The following GPR39 variants were observed in gnomAD, a reference collection of about 807,000 sequenced individuals.
GPR39 encodes zinc sensing receptor.
A neutral mutation model predicts 18.4 loss-of-function variants in GPR39; 23 were observed. That is an observed-to-expected ratio of 1.25 (90% CI 0.90 to 1.77). The LOEUF (loss-of-function observed/expected upper bound fraction) is 1.77, where lower values mean the gene tolerates loss of function less well. Ranked by LOEUF, GPR39 falls within the 40% of genes most tolerant of loss-of-function variation. The pLI is 0.00. For missense variants in GPR39, 647 were observed against 602.4 expected (o/e 1.07, Z -0.78); for synonymous variants, 280 against 257.9 (o/e 1.09, Z -0.82).
chr2:132,564,436 C>T (rs1680310343), intron 1 of GPR39, among the ~76,000 whole-genome samples: 1 of 152,118 alleles, frequency 6.6e-6, no homozygotes, highest in African/African-American at 2.4e-5. Context: ...CATTTCCCTC[C>T]CTTCTCCTTT....
At chr2:132,591,257 CAAAAAAAAAA>C (rs747314988) in intron 1 of GPR39, among the ~76,000 whole-genome samples, 194 of 24,604 alleles carry the variant, frequency 7.9e-3, no homozygotes, top group Non-Finnish European at 0.01. Context: ...GACTCCGTCT[CAAAAAAAAAA>C]AAAAAAAAAA....
At position 132,449,289 on chromosome 2, in the gene GPR39, G is replaced by A. The variant is rs143487198; in HGVS notation, c.856+31391G>A. On this transcript the variant is annotated intron_variant, in intron 1 of 1. Coordinates refer to ENST00000329321, the MANE Select transcript of GPR39 (RefSeq NM_001508.3). ...TTGAGACAGAGTCTCGCTCTGTCAC[G>A]CAGGCTGGAGTACAATGGCGCGATC... 9.0e-3 allele frequency among the ~76,000 whole-genome samples: 1,361 copies of A among 151,818 alleles called. 20 individuals are homozygous for A. Among genetic ancestry groups the A allele is most frequent in the African/African-American group, 0.031 (1,263 of 41,376 alleles).
rs540654154 is a variant in GPR39 at position 132,437,959 on chromosome 2, G to A, written c.856+20061G>A. ...TGATATTATCCTGGCTAGTGAAACTGTTTGGTGAACCATGAAGTGTTACTA... is the reference window on the plus strand; with the variant it reads ...TGATATTATCCTGGCTAGTGAAACTATTTGGTGAACCATGAAGTGTTACTA... On this transcript the variant is annotated intron_variant, in intron 1 of 1. Coordinates refer to ENST00000329321, the MANE Select transcript of GPR39 (RefSeq NM_001508.3). 3.9e-5 allele frequency among the ~76,000 whole-genome samples: 6 copies of A among 152,320 alleles called. No homozygotes were observed. In the South Asian group the frequency reaches 6.2e-4, roughly 16 times the overall value.
chr2:132,608,815 A>G (rs903191579), intron 1 of GPR39, among the ~76,000 whole-genome samples: 2 of 152,130 alleles, frequency 1.3e-5, no homozygotes, highest in African/African-American at 2.4e-5. Context: ...GTGCGGGAGC[A>G]GGGCGGGCAG....
intron 1 of GPR39, among the ~76,000 whole-genome samples, chr2:132,591,256 T>C (rs1382691617): frequency 1.6e-5 from 1 of 62,116 alleles, no homozygotes; most frequent in Non-Finnish European, 2.6e-5. Flanking sequence ...AGACTCCGTC[T>C]CAAAAAAAAA....
rs141303923 is a variant in GPR39, at chr2:132,567,181, G to A, written c.857-77920G>A. Among the ~76,000 whole-genome samples, 1,470 of 152,310 alleles carry A rather than the reference G, an allele frequency of 9.7e-3. 24 individuals carry two copies. Among genetic ancestry groups the A allele is most frequent in the African/African-American group, 0.034 (1,398 of 41,550 alleles). On this transcript the variant is annotated intron_variant, in intron 1 of 1. Transcript: ENST00000329321. The stretch of plus-strand genomic sequence containing the variant: ...TAGTAAAAATACAAAAATTAACCGG[G>A]CATGGCGGCACATGCCTGTAATCTC...
At chr2:132,596,374 C>A (rs768711668) in intron 1 of GPR39, among the ~76,000 whole-genome samples, 21 of 152,052 alleles carry the variant, frequency 1.4e-4, no homozygotes, top group Non-Finnish European at 2.9e-4. Context: ...ATGCCTCCAG[C>A]ACATAGTAAG....
intron 1 of GPR39, among the ~76,000 whole-genome samples, chr2:132,593,998 G>T (rs1176003042): frequency 6.6e-6 from 1 of 152,128 alleles, no homozygotes; most frequent in African/African-American, 2.4e-5. Flanking sequence ...TTGACTGGAG[G>T]TCCAAGTGTT....
intron 1 of GPR39, among the ~76,000 whole-genome samples, chr2:132,612,469 A>G (rs1316899821): frequency 6.6e-6 from 1 of 152,146 alleles, no homozygotes; most frequent in Non-Finnish European, 1.5e-5. Flanking sequence ...TTTTTCTGAC[A>G]AGCTATCTTT....
In GPR39 at chr2:132,489,473, T is replaced by G. The variant is rs1394725673; in HGVS notation, c.856+71575T>G. On this transcript the variant is annotated intron_variant, in intron 1 of 1. Transcript: ENST00000329321. ...GGGTTCCCTGCGGGCCGCTCCCTCC[T>G]GGACTTTCTTGACTGTGTGACTATA... 8.5e-5 allele frequency among the ~76,000 whole-genome samples: 13 copies of G among 152,142 alleles called. No homozygotes were observed. The East Asian group carries it at 1.8e-3, about 20-fold the overall frequency.
intron 1 of GPR39, among the ~76,000 whole-genome samples, chr2:132,633,338 CTGTGTGTGTGTGTGTGTGTGTG>C (rs55722602): frequency 7.2e-6 from 1 of 139,106 alleles, no homozygotes; most frequent in African/African-American, 2.7e-5. Context: ...CCAAATACCT[CTGTGTGTGTGTGTGTGTGTGTG>C]TGTGTGTGTG....
intron 1 of GPR39, among the ~76,000 whole-genome samples, chr2:132,471,433 A>G (rs1459296638): frequency 6.6e-6 from 1 of 152,114 alleles, no homozygotes; most frequent in South Asian, 2.1e-4. Context: ...TAGTCGGTGC[A>G]ACCTCTCTAG....
At chr2:132,443,530 A>G (rs983615332) in intron 1 of GPR39, among the ~76,000 whole-genome samples, 2 of 152,220 alleles carry the variant, frequency 1.3e-5, no homozygotes, top group African/African-American at 2.4e-5. Flanking sequence ...GTAGGCTAAT[A>G]TAAGCGTTCT....
intron 1 of GPR39, among the ~76,000 whole-genome samples, chr2:132,606,764 G>T (rs2104846185): frequency 6.6e-6 from 1 of 152,312 alleles, no homozygotes; most frequent in African/African-American, 2.4e-5. Context: ...GTTGAAGGTG[G>T]CTCTTAGCAA....
chr2:132,476,643 A>G (rs1420495453), intron 1 of GPR39, among the ~76,000 whole-genome samples: 1 of 147,676 alleles, frequency 6.8e-6, no homozygotes, highest in Non-Finnish European at 1.5e-5. Flanking sequence ...CTCAAAAAAA[A>G]AAAAAAAAAA....
intron 1 of GPR39, among the ~76,000 whole-genome samples, chr2:132,634,893 C>A (rs1681721543): frequency 6.6e-6 from 1 of 152,180 alleles, no homozygotes. Context: ...CCATCACAGA[C>A]AGAAACAGAA....
At chr2:132,520,287 A>G (rs1452828488) in intron 1 of GPR39, among the ~76,000 whole-genome samples, 1 of 152,180 alleles carries the variant, frequency 6.6e-6, no homozygotes, top group Non-Finnish European at 1.5e-5. Flanking sequence ...TGCATCAAAT[A>G]TATGCACATC....
chr2:132,517,467 C>T (rs928107510), intron 1 of GPR39, among the ~76,000 whole-genome samples: 9 of 152,108 alleles, frequency 5.9e-5, no homozygotes, highest in African/African-American at 2.2e-4. Context: ...CCCTGTGAAG[C>T]ATGTGACTAG....
chr2:132,470,008 T>G (rs569572379), intron 1 of GPR39, among the ~76,000 whole-genome samples: 48 of 151,690 alleles, frequency 3.2e-4, no homozygotes, highest in African/African-American at 1.1e-3. Context: ...GGTGAAAGGG[T>G]GGGATGCAGC....
Sources: allele counts gnomAD v4.1 joint callset (sites outside exome capture counted in the v4.1 genomes callset), GRCh38; gene constraint gnomAD v4.1.1; transcripts MANE v1.5; gene names NCBI Gene and HGNC (gene_info 2026-07-23, HGNC 2026-07-21).